Variants in MEF2A observed in about 807,000 individuals in gnomAD.
MEF2A encodes the protein myocyte enhancer factor 2A.
Under a neutral mutation model 55.8 loss-of-function variants are expected in MEF2A, and 28 were observed. The observed-to-expected ratio is 0.50, with a 90% CI of 0.37 to 0.69. The LOEUF is 0.69. Among genes scored for constraint, MEF2A ranks in the 30% least tolerant of loss-of-function variants. The pLI is 0.00. For synonymous variants in MEF2A, 239 were observed against 227.1 expected (o/e 1.05, Z -0.47); for missense variants, 528 against 626.2 (o/e 0.84, Z 1.67).
Position 99,714,647 on chromosome 15 carries a change from C to T in MEF2A, c.*1876C>T, listed in dbSNP as rs996699216. The stretch of plus-strand genomic sequence containing the variant: ...ATAGCAAGTTCATCCACTTACTGGG[C>T]TTGTGCCATGAGCAAAATTCAAAGT... On this transcript the variant is annotated 3_prime_UTR_variant, in exon 12 of 12. Coordinates refer to ENST00000557942, the MANE Select transcript of MEF2A (RefSeq NM_001319206.4). The T allele has an allele frequency of 1.3e-5, 2 of 152,150 alleles. No homozygotes were observed. The highest frequency in any genetic ancestry group is 2.4e-5 in the African/African-American group (1 of 41,430). The allele number at this position is 152,150 out of a possible 1,614,324, so 9.4% of individuals were successfully genotyped here. A position where few individuals can be genotyped will look rare whatever the true frequency, so the allele number is the denominator to read the frequency against.
At chr15:99,633,219 A>G (rs2043209190) in intron 3 of MEF2A, 46 bp downstream of exon 3, 8 of 1,346,604 alleles carry the variant, frequency 5.9e-6, no homozygotes, top group Non-Finnish European at 8.0e-6. Flanking sequence ...ATATTCTTTT[A>G]AAAAAAGAAC....
intron 2 of MEF2A, among the ~76,000 whole-genome samples, chr15:99,631,442 T>C (rs2042925144): frequency 6.6e-6 from 1 of 152,184 alleles, no homozygotes; most frequent in Admixed American, 6.5e-5. Context: ...CTTTTGTACA[T>C]GTTGTTCTCC....
intron 7 of MEF2A, among the ~76,000 whole-genome samples, chr15:99,680,437 A>G (rs1026484840): frequency 6.6e-6 from 1 of 152,178 alleles, no homozygotes; most frequent in South Asian, 2.1e-4. Flanking sequence ...GGTGAAACTG[A>G]TGATCTCATG....
At chr15:99,624,267 A>G (rs768969538) in intron 2 of MEF2A, among the ~76,000 whole-genome samples, 10 of 152,184 alleles carry the variant, frequency 6.6e-5, no homozygotes, top group Non-Finnish European at 1.0e-4. Context: ...GCCAAATCCA[A>G]CATCTTGAAG....
chr15:99,688,630 G>A (rs758159489), intron 7 of MEF2A, among the ~76,000 whole-genome samples: 3 of 152,188 alleles, frequency 2.0e-5, no homozygotes, highest in East Asian at 1.9e-4. Context: ...GGTGGCGGGC[G>A]CCTGTAGTCC....
chr15:99,668,583 G>A (rs1358109451), intron 4 of MEF2A, among the ~76,000 whole-genome samples: 5 of 152,224 alleles, frequency 3.3e-5, no homozygotes, highest in Non-Finnish European at 7.3e-5. Context: ...AGTACTCAGT[G>A]CTAGCACTCT....
chr15:99,649,448 G>A (rs1468553240), intron 4 of MEF2A, among the ~76,000 whole-genome samples: 2 of 151,978 alleles, frequency 1.3e-5, no homozygotes, highest in Non-Finnish European at 1.5e-5. Context: ...ATTTCATTAG[G>A]TGACATTCCA....
chr15:99,637,361 A>G (rs1192770731), intron 3 of MEF2A, among the ~76,000 whole-genome samples: 6 of 152,180 alleles, frequency 3.9e-5, no homozygotes, highest in Non-Finnish European at 8.8e-5. Flanking sequence ...AATGGCTGAT[A>G]GTTTTCAAAA....
At chr15:99,688,739 A>G (rs2054789909) in intron 7 of MEF2A, among the ~76,000 whole-genome samples, 1 of 152,210 alleles carries the variant, frequency 6.6e-6, no homozygotes, top group South Asian at 2.1e-4. Context: ...CCTGGGCAAC[A>G]GGGCAAGTCT....
At chr15:99,599,865 AAAAT>A (rs1972406614) in intron 2 of MEF2A, among the ~76,000 whole-genome samples, 1 of 152,162 alleles carries the variant, frequency 6.6e-6, no homozygotes. Context: ...AAAACAATAA[AAAAT>A]AATACACCAA....
At chr15:99,644,086 A>C (rs1455251165) in intron 3 of MEF2A, among the ~76,000 whole-genome samples, 1 of 152,230 alleles carries the variant, frequency 6.6e-6, no homozygotes, top group Admixed American at 6.5e-5. Context: ...TAGCTAACAG[A>C]ATATTTGAGC....
At chr15:99,648,945 A>G (rs1197783245) in intron 4 of MEF2A, among the ~76,000 whole-genome samples, 1 of 152,158 alleles carries the variant, frequency 6.6e-6, no homozygotes, top group Non-Finnish European at 1.5e-5. Flanking sequence ...GTATTTGAAT[A>G]TTGTTGATTA....
At chr15:99,619,799 C>T (rs866147213) in intron 2 of MEF2A, among the ~76,000 whole-genome samples, 5 of 152,168 alleles carry the variant, frequency 3.3e-5, no homozygotes, top group South Asian at 2.1e-4. Flanking sequence ...TAAAAAGTCA[C>T]TTTTACTTAG....
chr15:99,690,285 G>A lies in MEF2A; in HGVS notation c.715G>A (p.Ala239Thr). Residue 239 changes from alanine to threonine, a missense_variant, in exon 8 of 12, where the codon GCT becomes ACT. This residue lies in a region of MEF2A where 450 missense variants were observed against 475.3 expected (regional missense o/e 0.95). Coordinates refer to ENST00000557942, the MANE Select transcript of MEF2A (RefSeq NM_001319206.4). Reference sequence around the variant, plus strand: ...AAGAGCTTCTCCAAATTTGATTGGAGCTACTGGTGCAAATAGCTTAGGCAA... The same window carrying A: ...AAGAGCTTCTCCAAATTTGATTGGAACTACTGGTGCAAATAGCTTAGGCAA... ...NSRASPNLIG[A>T]TGANSLGKVM... 1.2e-6 allele frequency: 2 copies of A among 1,613,766 alleles called. No individual in the cohort carries two copies. Among genetic ancestry groups the A allele is most frequent in the Non-Finnish European group, 1.7e-6 (2 of 1,179,788 alleles).
intron 3 of MEF2A, among the ~76,000 whole-genome samples, chr15:99,640,984 A>T (rs1349236888): frequency 1.3e-5 from 2 of 151,904 alleles, no homozygotes; most frequent in African/African-American, 2.4e-5. Flanking sequence ...CTCTTAACCC[A>T]CCAGTCTAGT....
intron 2 of MEF2A, among the ~76,000 whole-genome samples, chr15:99,627,093 G>T (rs1438501203): frequency 2.0e-5 from 3 of 152,054 alleles, no homozygotes; most frequent in Non-Finnish European, 2.9e-5. Context: ...TCAGGGGTCA[G>T]ATTTTGCAAC....
chr15:99,694,154 T>A (rs1483310468), intron 8 of MEF2A, among the ~76,000 whole-genome samples: 3 of 152,312 alleles, frequency 2.0e-5, no homozygotes, highest in African/African-American at 7.2e-5. Context: ...TTTCTAAGAC[T>A]TTCCTTGCTT....
At chr15:99,607,158 G>A (rs1035878538) in intron 2 of MEF2A, among the ~76,000 whole-genome samples, 1 of 152,094 alleles carries the variant, frequency 6.6e-6, no homozygotes, top group Non-Finnish European at 1.5e-5. Flanking sequence ...GCCATGAAAC[G>A]GAAAATGAAT....
chr15:99,645,659 T>C lies in MEF2A; in HGVS notation c.153T>C (p.Ser51=). 1.9e-6 allele frequency: 3 copies of C among 1,613,388 alleles called. No homozygotes were observed. Among genetic ancestry groups the C allele is most frequent in the Non-Finnish European group, 1.7e-6 (2 of 1,179,368 alleles). ...CEIALIIFNS[S]NKLFQYASTD... is the part of the protein sequence containing the mutation. ...TAGCACTCATCATTTTCAACAGCTCTAACAAACTGTTTCAATATGCTAGCA... is the reference window on the plus strand; with the variant it reads ...TAGCACTCATCATTTTCAACAGCTCCAACAAACTGTTTCAATATGCTAGCA... Residue 51 remains serine, a synonymous_variant, in exon 4 of 12, where the codon TCT becomes TCC. Coordinates refer to ENST00000557942, the MANE Select transcript of MEF2A (RefSeq NM_001319206.4).
Sources: allele counts gnomAD v4.1 joint callset (sites outside exome capture counted in the v4.1 genomes callset), GRCh38; gene constraint gnomAD v4.1.1; regional missense constraint gnomAD v4.1.1; transcripts MANE v1.5; gene names NCBI Gene and HGNC (gene_info 2026-07-23, HGNC 2026-07-21).